DCC: variants seen among roughly 807,000 people sequenced by gnomAD.
DCC encodes the protein netrin receptor DCC.
A neutral mutation model predicts 172.5 loss-of-function variants in DCC; 58 were observed. The observed-to-expected ratio is 0.34, with a 90% CI of 0.27 to 0.42. DCC has a LOEUF of 0.42. Ranked by LOEUF, DCC falls within the 10% of genes least tolerant of loss-of-function variation. DCC has a pLI of 1.00. For synonymous variants in DCC, 709 were observed against 644.5 expected (o/e 1.10, Z -1.52); for missense variants, 1,740 against 1,791.0 (o/e 0.97, Z 0.51).
At chr18:53,489,465 G>C (rs1247988388) in intron 26 of DCC, among the ~76,000 whole-genome samples, 1 of 152,084 alleles carries the variant, frequency 6.6e-6, no homozygotes, top group East Asian at 1.9e-4. Flanking sequence ...AAATGCCTTA[G>C]AGAACACTAA....
At chr18:53,269,667 C>T (rs897257048) in intron 12 of DCC, among the ~76,000 whole-genome samples, 9 of 152,128 alleles carry the variant, frequency 5.9e-5, no homozygotes, top group Non-Finnish European at 1.2e-4. Context: ...CTCCTGATAG[C>T]TCCATGTGGT....
chr18:53,098,573 C>A (rs1286950949), intron 7 of DCC, among the ~76,000 whole-genome samples: 1 of 152,166 alleles, frequency 6.6e-6, no homozygotes, highest in East Asian at 1.9e-4. Flanking sequence ...TAGCACAGAA[C>A]TGATGCTGTT....
At chr18:52,721,882 G>A (rs896225224) in intron 1 of DCC, among the ~76,000 whole-genome samples, 16 of 152,196 alleles carry the variant, frequency 1.1e-4, no homozygotes, top group Middle Eastern at 3.4e-3. Flanking sequence ...AAGATTAGCC[G>A]GGCATGGTGG....
chr18:52,761,216 C>T (rs1227226839), intron 2 of DCC, among the ~76,000 whole-genome samples: 1 of 152,118 alleles, frequency 6.6e-6, no homozygotes, highest in Non-Finnish European at 1.5e-5. Flanking sequence ...AAGGTAACTC[C>T]CCTTTTTAAA....
At chr18:53,152,070 A>G (rs935031970) in intron 7 of DCC, among the ~76,000 whole-genome samples, 1 of 152,204 alleles carries the variant, frequency 6.6e-6, no homozygotes, top group Non-Finnish European at 1.5e-5. Flanking sequence ...TTTCACTGAC[A>G]ATATCTAGTT....
chr18:53,136,002 A>T (rs1183298206), intron 7 of DCC, among the ~76,000 whole-genome samples: 1 of 152,138 alleles, frequency 6.6e-6, no homozygotes, highest in Non-Finnish European at 1.5e-5. Context: ...AATTACTGAG[A>T]GCCATTCACT....
intron 1 of DCC, among the ~76,000 whole-genome samples, chr18:52,583,856 C>A (rs1016676382): frequency 1.3e-5 from 2 of 152,194 alleles, no homozygotes; most frequent in East Asian, 3.8e-4. Context: ...CTTTATATAG[C>A]AATGTCCCAT....
At chr18:52,479,815 A>G (rs1199392595) in intron 1 of DCC, among the ~76,000 whole-genome samples, 1 of 152,082 alleles carries the variant, frequency 6.6e-6, no homozygotes, top group African/African-American at 2.4e-5. Flanking sequence ...CTTGGGAGAC[A>G]ATTTCTTTTT....
At chr18:53,346,609 C>T (rs531080976) in intron 15 of DCC, among the ~76,000 whole-genome samples, 52 of 152,194 alleles carry the variant, frequency 3.4e-4, no homozygotes, top group Non-Finnish European at 7.1e-4. Flanking sequence ...AAAACATTGT[C>T]CTCTTTTTAA....
At chr18:52,553,739 G>A (rs1354620797) in intron 1 of DCC, among the ~76,000 whole-genome samples, 4 of 151,988 alleles carry the variant, frequency 2.6e-5, no homozygotes, top group Non-Finnish European at 5.9e-5. Flanking sequence ...TTAATAGAAA[G>A]GATGCTGTTT....
chr18:53,058,120 G>A (rs1292290332), intron 5 of DCC, among the ~76,000 whole-genome samples: 1 of 151,990 alleles, frequency 6.6e-6, no homozygotes, highest in African/African-American at 2.4e-5. Flanking sequence ...TATATCCATG[G>A]CCATTGATGA....
chr18:53,154,836 T>G (rs1175322088), intron 7 of DCC, among the ~76,000 whole-genome samples: 1 of 152,146 alleles, frequency 6.6e-6, no homozygotes, highest in African/African-American at 2.4e-5. Context: ...CACTCCAGTG[T>G]GTTAGTCTTA....
rs139621707 is a variant in DCC at position 53,128,992 on chromosome 18, T to C, written c.1262-28364T>C. Among the ~76,000 whole-genome samples, 9 of 151,554 alleles carry C rather than the reference T, an allele frequency of 5.9e-5. No individual in the cohort carries two copies. The East Asian group carries it at 1.8e-3, about 30-fold the overall frequency. On this transcript the variant is annotated intron_variant, in intron 7 of 28. Coordinates refer to ENST00000442544, the MANE Select transcript of DCC (RefSeq NM_005215.4). The stretch of plus-strand genomic sequence containing the variant: ...ACCTGCATCTCCCAGGTTCAAGCTA[T>C]TCTCCTGCCTCAGCTTCCTGAGTAG...
chr18:52,398,050 G>A (rs967088977), intron 1 of DCC, among the ~76,000 whole-genome samples: 4 of 151,924 alleles, frequency 2.6e-5, no homozygotes, highest in African/African-American at 4.8e-5. Flanking sequence ...TTTCCTTTCT[G>A]AGCAGTAGCA....
At chr18:53,496,047 TCC>T (rs779673202) in intron 26 of DCC, among the ~76,000 whole-genome samples, 5 of 152,106 alleles carry the variant, frequency 3.3e-5, no homozygotes, top group Admixed American at 6.6e-5. Flanking sequence ...GACCTAAACG[TCC>T]CTGCCTGACA....
At chr18:53,050,076 G>A (rs2042313629) in intron 5 of DCC, among the ~76,000 whole-genome samples, 1 of 152,218 alleles carries the variant, frequency 6.6e-6, no homozygotes. Context: ...AGAGTCTGAT[G>A]TTCAAGGGCA....
chr18:52,572,817 G>A (rs1380097102), intron 1 of DCC, among the ~76,000 whole-genome samples: 1 of 152,204 alleles, frequency 6.6e-6, no homozygotes, highest in Admixed American at 6.5e-5. Flanking sequence ...ATTGAATGTG[G>A]AGAATAATCC....
chr18:53,488,015 CA>C (rs796445171), intron 26 of DCC, among the ~76,000 whole-genome samples: 13 of 150,582 alleles, frequency 8.6e-5, no homozygotes, highest in African/African-American at 2.7e-4. Context: ...CTCTCTGCAA[CA>C]AAAAAAAAGA....
intron 27 of DCC, among the ~76,000 whole-genome samples, chr18:53,505,705 A>G (rs2144498422): frequency 6.6e-6 from 1 of 152,336 alleles, no homozygotes; most frequent in Admixed American, 6.5e-5. Context: ...TATTTTCAGA[A>G]CTTTGTAACC....
Sources: gnomAD v4.1 joint callset for allele counts (sites outside exome capture counted in the v4.1 genomes callset) on GRCh38, gnomAD v4.1.1 for gene constraint, MANE v1.5 for transcripts, NCBI Gene and HGNC (gene_info 2026-07-23, HGNC 2026-07-21) for gene names.